KDM5B: variants seen among roughly 807,000 people sequenced by gnomAD.
KDM5B encodes the protein lysine-specific demethylase 5B.
A neutral mutation model predicts 193.4 loss-of-function variants in KDM5B; 144 were observed. The observed-to-expected ratio is 0.74, with a 90% CI of 0.65 to 0.86. The LOEUF (loss-of-function observed/expected upper bound fraction) is 0.86, where lower values mean the gene tolerates loss of function less well. Among genes scored for constraint, KDM5B ranks in the 40% least tolerant of loss-of-function variants. The pLI, the probability that KDM5B is intolerant of heterozygous loss-of-function variation, is 0.00. For synonymous variants in KDM5B, 668 were observed against 682.6 expected (o/e 0.98, Z 0.33); for missense variants, 1,833 against 1,886.9 (o/e 0.97, Z 0.53).
At chr1:202,753,663 TG>T (rs1440817281) in intron 11 of KDM5B, among the ~76,000 whole-genome samples, 48 of 113,224 alleles carry the variant, frequency 4.2e-4, no homozygotes, top group East Asian at 2.1e-3. Context: ...TTGTTGTTGT[TG>T]TTTTTTTTTT....
rs1486820398 is a variant in KDM5B at position 202,735,412 on chromosome 1, A to G, written c.3423+17T>C. ...TTCCCAATAACATAGAAAGGAGAAG[A>G]AAAAAACCCTACATACAGCTGAAGC... On this transcript the variant is annotated intron_variant, in intron 22 of 26. Coordinates refer to ENST00000367265, the MANE Select transcript of KDM5B (RefSeq NM_006618.5). The G allele has an allele frequency of 4.4e-6, 7 of 1,598,490 alleles. No individual in the cohort carries two copies. Among genetic ancestry groups the G allele is most frequent in the Non-Finnish European group, 5.1e-6 (6 of 1,173,934 alleles).
rs935694529 is a variant in KDM5B, at chr1:202,808,023, C to G, written c.204+79G>C. 2.1e-6 allele frequency: 3 copies of G among 1,416,500 alleles called. No individual in the cohort carries two copies. The African/African-American group carries it at 4.5e-5, about 21-fold the overall frequency. 87.7% of individuals were successfully genotyped at this position (1,416,500 alleles called of 1,614,324 possible). A position where few individuals can be genotyped will look rare whatever the true frequency, so the allele number is the denominator to read the frequency against. On this transcript the variant is annotated intron_variant, in intron 1 of 26. Transcript: ENST00000367265. ...GGCGACCGGCTCCCCGCCCCCCGCGCCTCGGGCCTCCCCGGACCCGCGCGT... is the reference window on the plus strand; with the variant it reads ...GGCGACCGGCTCCCCGCCCCCCGCGGCTCGGGCCTCCCCGGACCCGCGCGT...
intron 1 of KDM5B, among the ~76,000 whole-genome samples, chr1:202,801,096 T>C (rs1572785690): frequency 6.6e-6 from 1 of 152,222 alleles, no homozygotes; most frequent in East Asian, 1.9e-4. Context: ...CCAATGCTGC[T>C]ACTCCACTTT....
chr1:202,731,830 T>G lies in KDM5B; in HGVS notation c.4019A>C (p.His1340Pro). Residue 1340 changes from histidine (H) to proline (P), a missense_variant and splice_region_variant, in exon 24 of 27, where the codon CAT becomes CCT. This residue lies in a region of KDM5B where 1,379 missense variants were observed against 1,349.6 expected (regional missense o/e 1.02). Transcript: ENST00000367265. Reference protein sequence around the residue: ...FSTGRSCIPLHGVSPEVNELL... With the variant: ...FSTGRSCIPLPGVSPEVNELL... ...CAACGTAATAACAAAATACAAACCA[T>G]GGAGGGGGATACAACTTCGTCCAGT... 7 of 1,596,356 alleles carry G rather than the reference T, an allele frequency of 4.4e-6. No homozygotes were observed. Among genetic ancestry groups the G allele is most frequent in the Non-Finnish European group, 6.0e-6 (7 of 1,164,076 alleles).
intron 1 of KDM5B, chr1:202,796,421 C>A: frequency 4.4e-6 from 1 of 229,218 alleles, no homozygotes. Context: ...ATGACTGTGC[C>A]AGCTACCACC....
In KDM5B at chr1:202,808,279, TG is replaced by T. The variant is rs1658398634; in HGVS notation, c.26del (p.Pro9GlnfsTer47). On this transcript the variant is annotated frameshift_variant, in exon 1 of 27. Transcript: ENST00000367265. LOFTEE classifies it high-confidence loss of function. MEAATTLHPGPRPALPLGG... is the reference protein window; with the variant it reads MEAATTLHXGPRPALPLGG... ...CGAGGGGCAGCGCCGGGCGCGGGCC[TG>T]GGTGCAGTGTGGTGGCCGCCTCCAT... is the stretch of plus-strand genomic sequence containing the variant. The T allele has an allele frequency of 6.2e-7, 1 of 1,606,344 alleles. No homozygotes were observed. The highest frequency in any genetic ancestry group is 8.5e-7 in the Non-Finnish European group (1 of 1,177,276).
rs1655541696 is a variant in KDM5B, at chr1:202,746,037, A to G, written c.2199-55T>C. The G allele has an allele frequency of 5.0e-6, 8 of 1,607,748 alleles. No individual in the cohort carries two copies. In the South Asian group the frequency reaches 8.8e-5, roughly 18 times the overall value. ...GAGACGTGTAGCTTTGGAGAAAACTAGATGTTTTATACTTAACATTTCAGC... is the reference window on the plus strand; with the variant it reads ...GAGACGTGTAGCTTTGGAGAAAACTGGATGTTTTATACTTAACATTTCAGC... On this transcript the variant is annotated intron_variant, in intron 15 of 26. Transcript: ENST00000367265.
chr1:202,772,679 A>C (rs1477925723), intron 4 of KDM5B, among the ~76,000 whole-genome samples: 6 of 152,112 alleles, frequency 3.9e-5, no homozygotes, highest in African/African-American at 1.4e-4. Context: ...TAGAGGAAAA[A>C]ACACAAAACA....
intron 1 of KDM5B, among the ~76,000 whole-genome samples, chr1:202,794,305 G>T (rs1465179119): frequency 1.3e-5 from 2 of 152,208 alleles, no homozygotes; most frequent in South Asian, 4.1e-4. Flanking sequence ...GCTTGATAGG[G>T]ATTTGTTCTT....
intron 1 of KDM5B, among the ~76,000 whole-genome samples, chr1:202,799,625 C>G (rs1040609025): frequency 2.0e-5 from 3 of 151,230 alleles, no homozygotes; most frequent in Non-Finnish European, 4.4e-5. Flanking sequence ...TGCATGCACT[C>G]CAGCCTGGGT....
At chr1:202,729,529 G>T (rs149690448) in intron 26 of KDM5B, 178 bp downstream of exon 26, 1 of 617,926 alleles carries the variant, frequency 1.6e-6, no homozygotes, top group Non-Finnish European at 2.8e-6. Context: ...CAAGAAAAGG[G>T]AGGAGACCCA....
rs1654709335 is a variant in KDM5B at position 202,727,320 on chromosome 1, C to A, written c.*1716G>T. ...ATGATTCCAAATTGTACTCTGGAGA[C>A]TATTCTTCTCTATTGGCCCCAGAAC... On this transcript the variant is annotated 3_prime_UTR_variant, in exon 27 of 27. Coordinates refer to ENST00000367265, the MANE Select transcript of KDM5B (RefSeq NM_006618.5). The A allele has an allele frequency of 6.6e-6, 1 of 152,256 alleles. No individual in the cohort carries two copies. The highest frequency in any genetic ancestry group is 3.2e-3 in the Middle Eastern group (1 of 316). 9.4% of individuals were successfully genotyped at this position (152,256 alleles called of 1,614,324 possible). A position where few individuals can be genotyped will look rare whatever the true frequency, so the allele number is the denominator to read the frequency against.
At chr1:202,794,493 CA>C (rs1243781707) in intron 1 of KDM5B, among the ~76,000 whole-genome samples, 10 of 152,194 alleles carry the variant, frequency 6.6e-5, no homozygotes, top group Admixed American at 6.5e-4. Flanking sequence ...AGTGAGATGG[CA>C]AAAATTAACT....
At position 202,726,514 on chromosome 1, in the gene KDM5B, CTT is replaced by C. The variant is rs1378616544; in HGVS notation, c.*2520_*2521del. ...AGGTGGAAGGCACACCTCATCTACC[CTT>C]TCTTTCTTTACCCACTGACCCTCCT... On this transcript the variant is annotated 3_prime_UTR_variant, in exon 27 of 27. Transcript: ENST00000367265. 1 of 152,082 alleles carries C rather than the reference CTT, an allele frequency of 6.6e-6. No individual in the cohort carries two copies. Among genetic ancestry groups the C allele is most frequent in the Non-Finnish European group, 1.5e-5 (1 of 68,034 alleles). 9.4% of individuals were successfully genotyped at this position (152,082 alleles called of 1,614,324 possible).
Position 202,742,789 on chromosome 1 carries a change from CTTGAA to C in KDM5B, c.2335_2339del (p.Phe779GlyfsTer4). Reference sequence around the variant, plus strand: ...TCATTTCAGATTCTTCAATTAAAGCCTTGAAGCTGACAAGGCCTAGGAATGAAGAA... The same window carrying C: ...TCATTTCAGATTCTTCAATTAAAGCCGCTGACAAGGCCTAGGAATGAAGAA... On this transcript the variant is annotated frameshift_variant, in exon 17 of 27. Coordinates refer to ENST00000367265, the MANE Select transcript of KDM5B (RefSeq NM_006618.5). LOFTEE classifies it high-confidence loss of function. 6.2e-7 allele frequency: 1 copy of C among 1,614,008 alleles called. No individual in the cohort carries two copies. The highest frequency in any genetic ancestry group is 8.5e-7 in the Non-Finnish European group (1 of 1,179,950).
chr1:202,741,687 A>G lies in KDM5B; in HGVS notation c.2625T>C (p.His875=), dbSNP rs150567115. Residue 875 remains histidine (H), a synonymous_variant, in exon 19 of 27, where the codon CAT becomes CAC. Coordinates refer to ENST00000367265, the MANE Select transcript of KDM5B (RefSeq NM_006618.5). ...TTTCCTCAGAGAGTAGTTTCTGACT[A>G]TGCTGTTGAAAATCTTCTACACGAT... ...LLNRVEDFQQ[H]SQKLLSEETP... 6.2e-7 allele frequency: 1 copy of G among 1,612,746 alleles called. No individual in the cohort carries two copies. Among genetic ancestry groups the G allele is most frequent in the Non-Finnish European group, 8.5e-7 (1 of 1,179,430 alleles).
chr1:202,788,334 C>T (rs1234262224), intron 1 of KDM5B, among the ~76,000 whole-genome samples: 3 of 152,078 alleles, frequency 2.0e-5, no homozygotes, highest in East Asian at 1.9e-4. Context: ...TACAGATAGG[C>T]CATGGTGAAA....
chr1:202,768,835 A>C (rs903279789), intron 4 of KDM5B, among the ~76,000 whole-genome samples: 1 of 149,922 alleles, frequency 6.7e-6, no homozygotes, highest in Non-Finnish European at 1.5e-5. Flanking sequence ...CTCCTGCCTC[A>C]GCCTCCCAAG....
chr1:202,735,599 C>T lies in KDM5B; in HGVS notation c.3265-12G>A. On this transcript the variant is annotated splice_polypyrimidine_tract_variant and intron_variant, in intron 21 of 26. Transcript: ENST00000367265. The stretch of plus-strand genomic sequence containing the variant: ...CGAGGACACAGCACCTAATGTGGGA[C>T]AAGGCACAACCAATGGTAAAATAAA... The T allele has an allele frequency of 6.2e-7, 1 of 1,610,970 alleles. No individual in the cohort carries two copies. Among genetic ancestry groups the T allele is most frequent in the Non-Finnish European group, 8.5e-7 (1 of 1,177,808 alleles).
Sources: gnomAD v4.1 joint callset for allele counts (sites outside exome capture counted in the v4.1 genomes callset) on GRCh38, gnomAD v4.1.1 for gene constraint, gnomAD v4.1.1 regional missense constraint, MANE v1.5 for transcripts, NCBI Gene and HGNC (gene_info 2026-07-23, HGNC 2026-07-21) for gene names.